Variants in LGR4 observed in about 807,000 individuals in gnomAD.
The protein encoded by LGR4 is leucine-rich repeat-containing G protein-coupled receptor 4.
In LGR4, 44 loss-of-function variants were observed where a neutral mutation model predicts 84.8. The observed-to-expected ratio is 0.52, with a 90% confidence interval of 0.41 to 0.67. LGR4 has a LOEUF of 0.67. Ranked by LOEUF, LGR4 falls within the 30% of genes least tolerant of loss-of-function variation. The pLI, the probability that LGR4 is intolerant of heterozygous loss-of-function variation, is 0.00. For synonymous variants in LGR4, 429 were observed against 434.3 expected (o/e 0.99, Z 0.15); for missense variants, 1,032 against 1,131.4 (o/e 0.91, Z 1.26).
chr11:27,433,726 G>A (rs184931467), intron 1 of LGR4, among the ~76,000 whole-genome samples: 21 of 152,250 alleles, frequency 1.4e-4, no homozygotes, highest in Admixed American at 3.3e-4. Flanking sequence ...TAAGGAGCCC[G>A]TTATTTGCTT....
At chr11:27,404,506 T>C (rs944150302) in intron 2 of LGR4, among the ~76,000 whole-genome samples, 6 of 152,204 alleles carry the variant, frequency 3.9e-5, no homozygotes, top group South Asian at 2.1e-4. Flanking sequence ...GTATGCCTAG[T>C]CCCTAGATCC....
At chr11:27,371,959 C>T (rs1466630056) in intron 16 of LGR4, among the ~76,000 whole-genome samples, 8 of 152,036 alleles carry the variant, frequency 5.3e-5, no homozygotes, top group South Asian at 2.1e-4. Flanking sequence ...TCCTGGGCTC[C>T]GCTCAAAGGA....
At chr11:27,428,349 G>A (rs1346265913) in intron 1 of LGR4, among the ~76,000 whole-genome samples, 2 of 152,090 alleles carry the variant, frequency 1.3e-5, no homozygotes, top group Admixed American at 6.5e-5. Context: ...ATGTTGGCCA[G>A]GCTGGTCTCA....
At position 27,369,049 on chromosome 11, in the gene LGR4, A is replaced by G; in HGVS notation, c.1674T>C (p.Leu558=). The G allele has an allele frequency of 1.2e-6, 2 of 1,614,114 alleles. No individual in the cohort carries two copies. The highest frequency in any genetic ancestry group is 1.7e-6 in the Non-Finnish European group (2 of 1,179,954). ...AAGATGCAAATGTTGTTAAAATAACAAGCAGGTTGAAAAATAATGCAACCA... is the reference window on the plus strand; with the variant it reads ...AAGATGCAAATGTTGTTAAAATAACGAGCAGGTTGAAAAATAATGCAACCA... The part of the protein sequence containing the change: ...IFLVALFFNL[L]VILTTFASCT... The change falls in exon 18 of 18, where the codon CTT becomes CTC. Residue 558 remains leucine, a synonymous_variant. Transcript: ENST00000379214.
chr11:27,424,850 C>A (rs1322056873), intron 1 of LGR4, among the ~76,000 whole-genome samples: 5 of 152,222 alleles, frequency 3.3e-5, no homozygotes, highest in African/African-American at 9.6e-5. Flanking sequence ...CCGGTTCAGG[C>A]AATTCTCCTC....
chr11:27,440,688 A>G (rs962322490), intron 1 of LGR4, among the ~76,000 whole-genome samples: 2 of 152,184 alleles, frequency 1.3e-5, no homozygotes, highest in Non-Finnish European at 2.9e-5. Flanking sequence ...TTTTTCACTA[A>G]GAAGTATGGT....
chr11:27,461,740 C>T (rs987664576), intron 1 of LGR4, among the ~76,000 whole-genome samples: 1 of 151,894 alleles, frequency 6.6e-6, no homozygotes, highest in African/African-American at 2.4e-5. Context: ...AGATTGGACA[C>T]CCCTGCTCCT....
intron 10 of LGR4, among the ~76,000 whole-genome samples, chr11:27,379,888 T>C (rs1419370109): frequency 5.0e-5 from 5 of 99,742 alleles, no homozygotes; most frequent in African/African-American, 1.7e-4. Flanking sequence ...TTTCCAGTTT[T>C]ACTAATCCTG....
At chr11:27,436,958 T>TA (rs1199203768) in intron 1 of LGR4, among the ~76,000 whole-genome samples, 1 of 152,148 alleles carries the variant, frequency 6.6e-6, no homozygotes, top group Non-Finnish European at 1.5e-5. Flanking sequence ...GGAATGGCAC[T>TA]AAAAAATCTG....
At chr11:27,407,575 G>C (rs970359268) in intron 2 of LGR4, among the ~76,000 whole-genome samples, 1 of 152,034 alleles carries the variant, frequency 6.6e-6, no homozygotes, top group Non-Finnish European at 1.5e-5. Context: ...CTTAGGTAAA[G>C]ACTATGAAAA....
intron 5 of LGR4, 51 bp from the exon 6 acceptor site, chr11:27,384,458 T>C (rs1256032748): frequency 1.6e-6 from 2 of 1,237,788 alleles, no homozygotes; most frequent in Non-Finnish European, 2.4e-6. Flanking sequence ...CATTGGCAAC[T>C]ATTATCATTG....
At chr11:27,373,312 T>C (rs1862918987) in intron 15 of LGR4, 1 of 336,554 alleles carries the variant, frequency 3.0e-6, no homozygotes, top group Non-Finnish European at 5.4e-6. Flanking sequence ...AAAAAACCAT[T>C]CTGGTGAATA....
Position 27,385,366 on chromosome 11 carries a change from C to T in LGR4, c.504G>A (p.Val168=), listed in dbSNP as rs781502621. The T allele has an allele frequency of 6.2e-7, 1 of 1,612,480 alleles. No homozygotes were observed. Among genetic ancestry groups the T allele is most frequent in the East Asian group, 2.2e-5 (1 of 44,838 alleles). ...LWLDDNSLTE[V]PVHPLSNLPT... is the part of the protein sequence containing the mutation. ...GCAGATTGCTGAGGGGGTGCACAGG[C>T]ACCTCCGTCAAGCTGTTGTCATCCA... The change falls in exon 5 of 18, where the codon GTG becomes GTA. Residue 168 remains valine, a synonymous_variant. Transcript: ENST00000379214.
At chr11:27,466,872 C>T (rs373028254) in intron 1 of LGR4, among the ~76,000 whole-genome samples, 33 of 152,208 alleles carry the variant, frequency 2.2e-4, no homozygotes, top group African/African-American at 7.2e-4. Context: ...CAACCTCTAC[C>T]TCTGGGGTTC....
chr11:27,368,650 G>A lies in LGR4; in HGVS notation c.2073C>T (p.Pro691=). 2 of 1,613,988 alleles carry A rather than the reference G, an allele frequency of 1.2e-6. No individual in the cohort carries two copies. The highest frequency in any genetic ancestry group is 2.2e-5 in the South Asian group (2 of 91,044). ...LFHRGEYSAS[P]LCLPFPTGET... is the part of the protein sequence containing the mutation. ...CACCTGTAGGAAATGGCAAACAAAG[G>A]GGTGATGCAGAATATTCCCCTCTAT... Residue 691 remains proline (P), a synonymous_variant, in exon 18 of 18, where the codon CCC becomes CCT. Coordinates refer to ENST00000379214, the MANE Select transcript of LGR4 (RefSeq NM_018490.5).
At chr11:27,440,963 G>A (rs932964539) in intron 1 of LGR4, among the ~76,000 whole-genome samples, 7 of 152,210 alleles carry the variant, frequency 4.6e-5, no homozygotes, top group South Asian at 2.1e-4. Flanking sequence ...ACCACTGCCC[G>A]GCTCTCACAA....
intron 1 of LGR4, among the ~76,000 whole-genome samples, chr11:27,436,347 G>GAGAGAA (rs1554969485): frequency 1.5e-5 from 2 of 134,632 alleles, no homozygotes; most frequent in Non-Finnish European, 3.1e-5. Flanking sequence ...GAGAGAGAGA[G>GAGAGAA]AGAAAGAAAG....
chr11:27,416,616 A>G (rs1863825389), intron 1 of LGR4, among the ~76,000 whole-genome samples: 1 of 152,192 alleles, frequency 6.6e-6, no homozygotes, highest in African/African-American at 2.4e-5. Context: ...AACTTGGAGC[A>G]GTTGTTCCTA....
chr11:27,449,255 T>C (rs1266303219), intron 1 of LGR4, among the ~76,000 whole-genome samples: 1 of 149,356 alleles, frequency 6.7e-6, no homozygotes, highest in Non-Finnish European at 1.5e-5. Context: ...AGTATCATAA[T>C]AATTAAAGTT....
Sources: gnomAD v4.1 joint callset for allele counts (sites outside exome capture counted in the v4.1 genomes callset) on GRCh38, gnomAD v4.1.1 for gene constraint, MANE v1.5 for transcripts, NCBI Gene and HGNC (gene_info 2026-07-23, HGNC 2026-07-21) for gene names.